Variants in SH3GL3 observed in about 807,000 individuals in gnomAD.
SH3GL3 encodes the protein endophilin-A3.
Under a neutral mutation model 47.7 loss-of-function variants are expected in SH3GL3, and 33 were observed. That is an observed-to-expected ratio of 0.69 (90% CI 0.52 to 0.92). The LOEUF is 0.92. SH3GL3 is among the 40% of genes least tolerant of loss of function. The probability of loss-of-function intolerance (pLI) is 0.00; values close to 1 mark genes in which losing one functional copy is unlikely to be tolerated. For synonymous variants in SH3GL3, 155 were observed against 148.8 expected (o/e 1.04, Z -0.30); for missense variants, 363 against 417.8 (o/e 0.87, Z 1.14).
At chr15:83,562,695 C>A (rs2045346256) in intron 2 of SH3GL3, among the ~76,000 whole-genome samples, 1 of 152,088 alleles carries the variant, frequency 6.6e-6, no homozygotes. Flanking sequence ...TATAATTAAG[C>A]AAATTCCCTT....
chr15:83,548,678 T>C (rs1055873513), intron 1 of SH3GL3, among the ~76,000 whole-genome samples: 7 of 152,162 alleles, frequency 4.6e-5, no homozygotes, highest in African/African-American at 1.7e-4. Context: ...AGAATCTTTT[T>C]GTTGCTCCTT....
chr15:83,594,341 T>C (rs2060187063), intron 8 of SH3GL3, among the ~76,000 whole-genome samples: 1 of 152,232 alleles, frequency 6.6e-6, no homozygotes, highest in Non-Finnish European at 1.5e-5. Context: ...GGGAAAGTTT[T>C]TTTAAATTAA....
At chr15:83,610,686 TTG>T (rs2060636706) in intron 8 of SH3GL3, among the ~76,000 whole-genome samples, 1 of 152,130 alleles carries the variant, frequency 6.6e-6, no homozygotes, top group African/African-American at 2.4e-5. Flanking sequence ...TGTGGCTTAA[TTG>T]TGTTAAATTT....
the SH3GL3 span, among the ~76,000 whole-genome samples, chr15:83,623,857 C>A: frequency 3.4e-4 from 52 of 152,240 alleles, no homozygotes; most frequent in South Asian, 2.9e-3. Flanking sequence ...ACAGTCTTGG[C>A]TCACTGCAAC....
At chr15:83,552,583 A>G (rs1377562558) in intron 1 of SH3GL3, among the ~76,000 whole-genome samples, 1 of 152,188 alleles carries the variant, frequency 6.6e-6, no homozygotes, top group Non-Finnish European at 1.5e-5. Context: ...TTTTGCCACT[A>G]CTTATAATAT....
At chr15:83,629,660 A>G in the SH3GL3 span, among the ~76,000 whole-genome samples, 1 of 152,104 alleles carries the variant, frequency 6.6e-6, no homozygotes, top group Non-Finnish European at 1.5e-5. Context: ...TCCCTACAAA[A>G]AAGTTAAAAA....
chr15:83,525,162 C>T (rs1249036153), intron 1 of SH3GL3, among the ~76,000 whole-genome samples: 2 of 151,824 alleles, frequency 1.3e-5, no homozygotes, highest in African/African-American at 2.4e-5. Context: ...ATGTTATTAG[C>T]GTCTGTTATT....
chr15:83,584,652 A>C (rs1375308644), intron 6 of SH3GL3, among the ~76,000 whole-genome samples: 5 of 152,254 alleles, frequency 3.3e-5, no homozygotes. Context: ...CATCTGTAGG[A>C]GCTAGAGTGC....
chr15:83,492,067 G>A (rs1459219320), intron 1 of SH3GL3, among the ~76,000 whole-genome samples: 3 of 152,050 alleles, frequency 2.0e-5, no homozygotes, highest in East Asian at 1.9e-4. Context: ...GGCAGATCAC[G>A]AGGTCAGGAG....
Position 83,563,129 on chromosome 15 carries a change from A to T in SH3GL3, c.115-2005A>T, listed in dbSNP as rs191044348. On this transcript the variant is annotated intron_variant, in intron 2 of 8. Coordinates refer to ENST00000427482, the MANE Select transcript of SH3GL3 (RefSeq NM_003027.5). ...TTGGTTGCAAACTTGTGACCCTGGC[A>T]GGATCATAGTTTTCTAAATTACAAA... Among the ~76,000 whole-genome samples, 289 of 152,352 alleles carry T rather than the reference A, an allele frequency of 1.9e-3. 1 individual carries two copies. Among genetic ancestry groups the T allele is most frequent in the Admixed American group, 0.014 (212 of 15,302 alleles).
chr15:83,576,522 A>G, intron 5 of SH3GL3, 61 bp from the exon 6 acceptor site: 3 of 1,455,116 alleles, frequency 2.1e-6, no homozygotes, highest in Non-Finnish European at 9.3e-7. Context: ...AATAGAAATA[A>G]TTTTTTGTGC....
At chr15:83,559,558 T>G (rs1405962415) in intron 2 of SH3GL3, among the ~76,000 whole-genome samples, 1 of 152,196 alleles carries the variant, frequency 6.6e-6, no homozygotes, top group East Asian at 1.9e-4. Flanking sequence ...ACTGGTACCC[T>G]CTAGTGGCCA....
intron 8 of SH3GL3, among the ~76,000 whole-genome samples, chr15:83,595,672 A>G (rs2060219568): frequency 6.7e-6 from 1 of 148,244 alleles, no homozygotes; most frequent in Admixed American, 6.7e-5. Context: ...CAACGTCTTT[A>G]TAGATAGAAG....
chr15:83,563,617 G>A (rs1287821128), intron 2 of SH3GL3, among the ~76,000 whole-genome samples: 5 of 151,888 alleles, frequency 3.3e-5, no homozygotes, highest in Non-Finnish European at 5.9e-5. Flanking sequence ...AATCTTTGTA[G>A]GCAGCTTGTG....
the SH3GL3 span, among the ~76,000 whole-genome samples, chr15:83,633,263 T>C: frequency 7.2e-5 from 11 of 152,234 alleles, no homozygotes; most frequent in South Asian, 2.3e-3. Context: ...AGGATTAGGA[T>C]GCTAAGCGAT....
At chr15:83,471,311 GCC>G (rs1348487535) in intron 1 of SH3GL3, among the ~76,000 whole-genome samples, 2 of 152,142 alleles carry the variant, frequency 1.3e-5, no homozygotes, top group Non-Finnish European at 2.9e-5. Context: ...AAAATATTCT[GCC>G]ACTTTCTCCT....
chr15:83,616,826 A>C (rs2060833466), intron 8 of SH3GL3, among the ~76,000 whole-genome samples: 1 of 152,124 alleles, frequency 6.6e-6, no homozygotes, highest in African/African-American at 2.4e-5. Flanking sequence ...TGAAGGAAGG[A>C]AGGAAAAGAA....
intron 8 of SH3GL3, among the ~76,000 whole-genome samples, chr15:83,604,295 GTCTC>G (rs1373204146): frequency 2.0e-5 from 3 of 152,158 alleles, no homozygotes; most frequent in Non-Finnish European, 4.4e-5. Flanking sequence ...TTGCCCCACT[GTCTC>G]TATCTTTCCA....
Position 83,447,604 on chromosome 15 carries a change from AG to A in SH3GL3, c.45+29del, listed in dbSNP as rs1349550970. 3.4e-6 allele frequency: 5 copies of A among 1,470,266 alleles called. No individual in the cohort carries two copies. The highest frequency in any genetic ancestry group is 4.5e-6 in the Non-Finnish European group (5 of 1,099,418). The allele number at this position is 1,470,266 out of a possible 1,614,324, so 91.1% of individuals were successfully genotyped here. ...GTAGGGAGGCGCAGAGGAGGGAAGG[AG>A]GGAGGGGGACGCGGAGGCTGCGGCC... is the stretch of plus-strand genomic sequence containing the variant. On this transcript the variant is annotated intron_variant, in intron 1 of 8. Coordinates refer to ENST00000427482, the MANE Select transcript of SH3GL3 (RefSeq NM_003027.5). This position sits in a 1 kb window ranked among gnomAD's most constrained non-coding sequence, Gnocchi z 5.1.
Sources: allele counts gnomAD v4.1 joint callset (sites outside exome capture counted in the v4.1 genomes callset), GRCh38; gene constraint gnomAD v4.1.1; non-coding constraint Gnocchi (gnomAD v3.1); transcripts MANE v1.5; gene names NCBI Gene and HGNC (gene_info 2026-07-23, HGNC 2026-07-21).